KCNQ3: variants seen among roughly 807,000 people sequenced by gnomAD.
KCNQ3 encodes potassium voltage-gated channel subfamily Q member 3.
A neutral mutation model predicts 92.5 loss-of-function variants in KCNQ3; 30 were observed. The observed-to-expected ratio is 0.32, with a 90% CI of 0.24 to 0.44. The LOEUF (loss-of-function observed/expected upper bound fraction) is 0.44, where lower values mean the gene tolerates loss of function less well. KCNQ3 is among the 20% of genes least tolerant of loss of function. KCNQ3 has a pLI of 1.00. For missense variants in KCNQ3, 913 were observed against 1,140.3 expected, an observed-to-expected ratio of 0.80 and a Z score of 2.87; for synonymous variants, 450 against 468.8, an observed-to-expected ratio of 0.96 and a Z score of 0.52.
At chr8:132,350,786 A>G (rs1818836123) in intron 1 of KCNQ3, among the ~76,000 whole-genome samples, 2 of 152,176 alleles carry the variant, frequency 1.3e-5, no homozygotes, top group South Asian at 4.1e-4. Flanking sequence ...AAATGTTACC[A>G]AACCCTCACC....
intron 1 of KCNQ3, among the ~76,000 whole-genome samples, chr8:132,307,712 C>T (rs937127699): frequency 9.9e-5 from 15 of 152,216 alleles, no homozygotes; most frequent in African/African-American, 3.1e-4. Flanking sequence ...TGAACTATTC[C>T]CCAACAAGCT....
rs184134822 is a variant in KCNQ3, at chr8:132,408,164, T to A, written c.386+71983A>T. Reference sequence around the variant, plus strand: ...TAAATGTCGGGTAACATCGTTTTTTTAAAAAAATCATTGTGGACTATATGT... The same window carrying A: ...TAAATGTCGGGTAACATCGTTTTTTAAAAAAAATCATTGTGGACTATATGT... On this transcript the variant is annotated intron_variant, in intron 1 of 14. Coordinates refer to ENST00000388996, the MANE Select transcript of KCNQ3 (RefSeq NM_004519.4). 5.2e-3 allele frequency among the ~76,000 whole-genome samples: 791 copies of A among 152,288 alleles called. 3 individuals carry two copies. Among genetic ancestry groups the A allele is most frequent in the East Asian group, 9.1e-3 (47 of 5,182 alleles).
At chr8:132,202,408 C>A (rs900087072) in intron 1 of KCNQ3, among the ~76,000 whole-genome samples, 2 of 152,116 alleles carry the variant, frequency 1.3e-5, no homozygotes, top group Non-Finnish European at 2.9e-5. Flanking sequence ...CTTTACATGG[C>A]CGGACTGGGA....
At chr8:132,403,303 C>A (rs1820398437) in intron 1 of KCNQ3, among the ~76,000 whole-genome samples, 1 of 152,138 alleles carries the variant, frequency 6.6e-6, no homozygotes, top group Non-Finnish European at 1.5e-5. Context: ...CCCTAAGACC[C>A]CAGCTGGTCC....
chr8:132,264,120 T>C (rs904811708), intron 1 of KCNQ3, among the ~76,000 whole-genome samples: 2 of 152,152 alleles, frequency 1.3e-5, no homozygotes, highest in Non-Finnish European at 2.9e-5. Context: ...AGTGGTGAAA[T>C]TGGGATTCAA....
chr8:132,256,623 A>G (rs754401439), intron 1 of KCNQ3, among the ~76,000 whole-genome samples: 4 of 152,204 alleles, frequency 2.6e-5, no homozygotes, highest in Non-Finnish European at 5.9e-5. Flanking sequence ...CTAATCATAT[A>G]TAAGTGGTCC....
intron 1 of KCNQ3, among the ~76,000 whole-genome samples, chr8:132,379,463 T>C (rs1819688786): frequency 6.6e-6 from 1 of 152,120 alleles, no homozygotes; most frequent in Non-Finnish European, 1.5e-5. Flanking sequence ...TCATTTACAA[T>C]AGCTCCAAGC....
chr8:132,390,197 C>T (rs1198006593), intron 1 of KCNQ3, among the ~76,000 whole-genome samples: 1 of 152,006 alleles, frequency 6.6e-6, no homozygotes, highest in East Asian at 1.9e-4. Context: ...TATATAAAAC[C>T]AAAAACAGAC....
At chr8:132,364,570 G>A (rs564869122) in intron 1 of KCNQ3, among the ~76,000 whole-genome samples, 3 of 152,186 alleles carry the variant, frequency 2.0e-5, no homozygotes, top group South Asian at 2.1e-4. Context: ...CAAGATACAG[G>A]TGTGTCTGGC....
Position 132,432,027 on chromosome 8 carries a change from T to C in KCNQ3, c.386+48120A>G, listed in dbSNP as rs1184813497. On this transcript the variant is annotated intron_variant, in intron 1 of 14. Transcript: ENST00000388996. ...TTTAAAGCACATCTCCCTCAGAGGG[T>C]TGTTATGAGGGATCATTGAGAACCA... is the stretch of plus-strand genomic sequence containing the variant. 2.0e-5 allele frequency among the ~76,000 whole-genome samples: 3 copies of C among 152,300 alleles called. 1 individual carries two copies. The highest frequency in any genetic ancestry group is 7.2e-5 in the African/African-American group (3 of 41,560).
chr8:132,388,814 T>C (rs1015513658), intron 1 of KCNQ3, among the ~76,000 whole-genome samples: 2 of 152,252 alleles, frequency 1.3e-5, no homozygotes, highest in African/African-American at 4.8e-5. Flanking sequence ...ACATTTTTCA[T>C]TGAGATTTTA....
At position 132,127,051 on chromosome 8, in the gene KCNQ3, TC is replaced by T. The variant is rs1824693399; in HGVS notation, c.*2210del. 2 of 152,170 alleles carry T rather than the reference TC, an allele frequency of 1.3e-5. No individual in the cohort carries two copies. The highest frequency in any genetic ancestry group is 2.9e-5 in the Non-Finnish European group (2 of 68,032). The allele number at this position is 152,170 out of a possible 1,614,324, so 9.4% of individuals were successfully genotyped here. On this transcript the variant is annotated 3_prime_UTR_variant, in exon 15 of 15. Transcript: ENST00000388996. ...CAGGTGATCATCTCAAGTGAAAGAT[TC>T]CAGGAAGATCAGGATTCAATAATCA...
intron 1 of KCNQ3, among the ~76,000 whole-genome samples, chr8:132,253,272 C>T (rs925560879): frequency 7.9e-5 from 12 of 152,180 alleles, no homozygotes; most frequent in African/African-American, 2.9e-4. Context: ...GTGGGCACTA[C>T]TCCTGGCTCT....
At chr8:132,461,435 G>A (rs1241182089) in intron 1 of KCNQ3, among the ~76,000 whole-genome samples, 1 of 152,058 alleles carries the variant, frequency 6.6e-6, no homozygotes, top group East Asian at 1.9e-4. Flanking sequence ...CGTGGTGGTG[G>A]GCACCTGTAA....
chr8:132,392,383 G>A (rs563722801), intron 1 of KCNQ3, among the ~76,000 whole-genome samples: 2 of 151,860 alleles, frequency 1.3e-5, no homozygotes, highest in Non-Finnish European at 2.9e-5. Context: ...ACTATCATGC[G>A]CTCTCCTCTT....
intron 1 of KCNQ3, among the ~76,000 whole-genome samples, chr8:132,359,604 T>A (rs182140427): frequency 1.3e-5 from 2 of 152,166 alleles, no homozygotes; most frequent in Admixed American, 6.5e-5. Flanking sequence ...AGAAAGAGAG[T>A]CCTTGGGGCA....
chr8:132,333,979 C>T (rs926822688), intron 1 of KCNQ3, among the ~76,000 whole-genome samples: 20 of 151,952 alleles, frequency 1.3e-4, no homozygotes, highest in Non-Finnish European at 2.2e-4. Flanking sequence ...GTGACCCTCC[C>T]GCCTCAGCCT....
intron 1 of KCNQ3, among the ~76,000 whole-genome samples, chr8:132,392,902 G>A (rs959982394): frequency 2.0e-5 from 3 of 149,430 alleles, no homozygotes; most frequent in Non-Finnish European, 4.4e-5. Context: ...TATATCTTAA[G>A]ATAAAGTTTA....
chr8:132,414,850 C>T (rs924837475), intron 1 of KCNQ3, among the ~76,000 whole-genome samples: 3 of 152,120 alleles, frequency 2.0e-5, no homozygotes, highest in Non-Finnish European at 2.9e-5. Context: ...ACAGCAAAAC[C>T]GAAATATGTA....
Sources: allele counts gnomAD v4.1 joint callset (sites outside exome capture counted in the v4.1 genomes callset), GRCh38; gene constraint gnomAD v4.1.1; transcripts MANE v1.5; gene names NCBI Gene and HGNC (gene_info 2026-07-23, HGNC 2026-07-21).